SCHIP1: variants seen among roughly 807,000 people sequenced by gnomAD.
SCHIP1 encodes the protein schwannomin interacting protein 1, also known as schwannomin-interacting protein 1.
SCHIP1 carries 8 observed loss-of-function variants against 29.7 expected under a neutral mutation model. The ratio of observed to expected loss-of-function variants is 0.27; its 90% CI spans 0.16 to 0.49. The LOEUF is 0.49. SCHIP1 is among the 20% of genes least tolerant of loss of function. The probability of loss-of-function intolerance (pLI) is 0.99; values close to 1 mark genes in which losing one functional copy is unlikely to be tolerated. For missense variants in SCHIP1, 193 were observed against 294.6 expected (o/e 0.66, Z 2.52); for synonymous variants, 76 against 94.9 (o/e 0.80, Z 1.16).
At chr3:159,587,583 T>G in the SCHIP1 span, among the ~76,000 whole-genome samples, 1 of 152,174 alleles carries the variant, frequency 6.6e-6, no homozygotes, top group African/African-American at 2.4e-5. Context: ...ACTCATAATT[T>G]ACATTAGGTA....
the SCHIP1 span, among the ~76,000 whole-genome samples, chr3:159,506,900 T>G: frequency 1.3e-5 from 2 of 152,226 alleles, no homozygotes; most frequent in South Asian, 4.1e-4. Flanking sequence ...TCAGGTAGCG[T>G]GATGCCCCCA....
At chr3:159,734,265 G>A in the SCHIP1 span, among the ~76,000 whole-genome samples, 4 of 150,190 alleles carry the variant, frequency 2.7e-5, no homozygotes, top group East Asian at 7.9e-4. Context: ...GCCTCAGCCT[G>A]CTGAGTAGCT....
At chr3:159,473,862 ATT>A in the SCHIP1 span, among the ~76,000 whole-genome samples, 1 of 152,222 alleles carries the variant, frequency 6.6e-6, no homozygotes, top group Admixed American at 6.6e-5. Flanking sequence ...TATGCCTAAT[ATT>A]TTAAGTGCTA....
the SCHIP1 span, among the ~76,000 whole-genome samples, chr3:159,513,962 C>T: frequency 2.0e-5 from 3 of 152,114 alleles, no homozygotes; most frequent in East Asian, 1.9e-4. Flanking sequence ...GTCTGTTGGA[C>T]AATAGCATCC....
chr3:159,543,677 T>C, the SCHIP1 span, among the ~76,000 whole-genome samples: 29 of 151,920 alleles, frequency 1.9e-4, no homozygotes, highest in African/African-American at 6.3e-4. Flanking sequence ...GCAATAAACA[T>C]ACGTGTGCAT....
rs757171954 is a variant in SCHIP1, at chr3:159,896,751, G to A, written c.712G>A (p.Ala238Thr). The change falls in exon 7 of 7, where the codon GCA becomes ACA. Residue 238 changes from alanine to threonine, a missense_variant. Ala to Thr is a moderately conservative substitution (Grantham distance 58). Coordinates refer to ENST00000445224, the Ensembl canonical transcript of SCHIP1. ...TGCTGAAAGTCAGCAGAAGCACATG[G>A]CAGAGAAAATGCCTGCAAAGTGAAA... 1.9e-6 allele frequency: 3 copies of A among 1,607,590 alleles called. 1 individual carries two copies. In the South Asian group the frequency reaches 3.3e-5, roughly 18 times the overall value.
At chr3:159,774,473 T>C in the SCHIP1 span, among the ~76,000 whole-genome samples, 1 of 152,240 alleles carries the variant, frequency 6.6e-6, no homozygotes, top group Non-Finnish European at 1.5e-5. Flanking sequence ...CACTTGTCTT[T>C]ATCTGTTCTC....
chr3:159,670,564 T>C, the SCHIP1 span, among the ~76,000 whole-genome samples: 2 of 152,206 alleles, frequency 1.3e-5, no homozygotes, highest in South Asian at 2.1e-4. Context: ...ACTTTTCTTT[T>C]TGTTGCACAA....
the SCHIP1 span, among the ~76,000 whole-genome samples, chr3:159,683,284 T>A: frequency 5.0e-3 from 766 of 152,148 alleles, 10 homozygotes; most frequent in Admixed American, 0.024. Context: ...ACTCCTGATC[T>A]CAAGTGATCT....
the SCHIP1 span, among the ~76,000 whole-genome samples, chr3:159,652,905 CA>C: frequency 1.3e-5 from 2 of 151,996 alleles, no homozygotes; most frequent in African/African-American, 4.8e-5. Flanking sequence ...TAAAATAAGC[CA>C]AGCACAAAAA....
At chr3:159,501,083 GA>G in the SCHIP1 span, among the ~76,000 whole-genome samples, 78 of 152,214 alleles carry the variant, frequency 5.1e-4, 2 homozygotes, top group South Asian at 0.016. Context: ...TGCTTTTCTG[GA>G]AAATTTCAGC....
chr3:159,469,297 T>C, the SCHIP1 span, among the ~76,000 whole-genome samples: 5 of 152,156 alleles, frequency 3.3e-5, no homozygotes, highest in African/African-American at 9.7e-5. Context: ...TGATGGAGTA[T>C]GGCATAATAG....
the SCHIP1 span, among the ~76,000 whole-genome samples, chr3:159,303,440 G>T: frequency 1.3e-5 from 1 of 74,706 alleles, no homozygotes. Flanking sequence ...TGAATGTAAA[G>T]AGAGAGAGAA....
chr3:159,876,371 C>T (rs926787444), intron 2 of SCHIP1, among the ~76,000 whole-genome samples: 22 of 152,092 alleles, frequency 1.4e-4, no homozygotes, highest in Admixed American at 1.2e-3. Flanking sequence ...TTGACTCTGC[C>T]GCTTACTAGC....
intron 6 of SCHIP1, among the ~76,000 whole-genome samples, chr3:159,895,916 A>G (rs1426224258): frequency 1.3e-5 from 2 of 152,132 alleles, no homozygotes. Context: ...GGCTGGTCTC[A>G]AACTCCTGAC....
At chr3:159,514,297 A>T in the SCHIP1 span, among the ~76,000 whole-genome samples, 1 of 152,246 alleles carries the variant, frequency 6.6e-6, no homozygotes, top group Non-Finnish European at 1.5e-5. Context: ...CTTTGCTGAT[A>T]CATTTTCACA....
the SCHIP1 span, among the ~76,000 whole-genome samples, chr3:159,373,251 T>A: frequency 6.6e-6 from 1 of 151,400 alleles, no homozygotes; most frequent in South Asian, 2.1e-4. Flanking sequence ...TACAGTTATA[T>A]ACATATATGA....
At chr3:159,571,607 C>T in the SCHIP1 span, among the ~76,000 whole-genome samples, 1 of 152,076 alleles carries the variant, frequency 6.6e-6, no homozygotes, top group Admixed American at 6.6e-5. Flanking sequence ...TGTGTCTCTG[C>T]CAGGCTTTGG....
the SCHIP1 span, among the ~76,000 whole-genome samples, chr3:159,299,145 T>C: frequency 1.3e-5 from 2 of 152,210 alleles, no homozygotes; most frequent in Admixed American, 6.5e-5. Context: ...TTAAAACATA[T>C]GGTTTACTGA....
Sources: allele counts gnomAD v4.1 joint callset (sites outside exome capture counted in the v4.1 genomes callset), GRCh38; gene constraint gnomAD v4.1.1; transcripts MANE v1.5; gene names NCBI Gene and HGNC (gene_info 2026-07-23, HGNC 2026-07-21).